The following CABIN1 variants were observed in gnomAD, a reference collection of about 807,000 sequenced individuals.
CABIN1 encodes the protein calcineurin binding protein 1, also known as calcineurin-binding protein cabin-1.
Under a neutral mutation model 227.7 loss-of-function variants are expected in CABIN1, and 133 were observed. The ratio of observed to expected loss-of-function variants is 0.58; its 90% CI spans 0.51 to 0.67. CABIN1 has a LOEUF of 0.67. Among genes scored for constraint, CABIN1 ranks in the 30% least tolerant of loss-of-function variants. The pLI is 0.00. For missense variants in CABIN1, 2,408 were observed against 2,852.5 expected (o/e 0.84, Z 3.55); for synonymous variants, 1,086 against 1,155.1 (o/e 0.94, Z 1.21).
At chr22:24,027,162 T>A (rs2036154067) in intron 1 of CABIN1, among the ~76,000 whole-genome samples, 1 of 152,370 alleles carries the variant, frequency 6.6e-6, no homozygotes, top group African/African-American at 2.4e-5. Context: ...TTTTTCAATT[T>A]TGATTTCTAG....
intron 26 of CABIN1, among the ~76,000 whole-genome samples, chr22:24,103,956 T>C (rs1007310049): frequency 1.3e-5 from 2 of 152,094 alleles, no homozygotes; most frequent in Admixed American, 6.5e-5. Flanking sequence ...TTGGGAAGAA[T>C]TCCTGGAGAA....
At chr22:24,142,466 A>G (rs1046486367) in intron 29 of CABIN1, among the ~76,000 whole-genome samples, 4 of 152,082 alleles carry the variant, frequency 2.6e-5, no homozygotes, top group African/African-American at 9.7e-5. Flanking sequence ...GCCAGGCCCC[A>G]AGGTCTGTGC....
chr22:24,151,798 G>A (rs1462484186), intron 29 of CABIN1, among the ~76,000 whole-genome samples: 1 of 151,992 alleles, frequency 6.6e-6, no homozygotes, highest in South Asian at 2.1e-4. Flanking sequence ...ACTGCCACAC[G>A]CACCCCCTTT....
intron 19 of CABIN1, among the ~76,000 whole-genome samples, chr22:24,082,413 T>A (rs185249023): frequency 6.6e-6 from 1 of 152,350 alleles, no homozygotes; most frequent in Admixed American, 6.5e-5. Flanking sequence ...CTAATGCCTG[T>A]ATTGAAGACT....
At chr22:24,167,442 C>G (rs958792614) in intron 32 of CABIN1, 129 bp downstream of exon 32, 10 of 756,542 alleles carry the variant, frequency 1.3e-5, no homozygotes, top group Non-Finnish European at 2.2e-5. Context: ...CCCACACCAT[C>G]CCTGCTGTTC....
chr22:24,178,254 C>A lies in CABIN1; in HGVS notation c.*58C>A. 2 of 1,603,748 alleles carry A rather than the reference C, an allele frequency of 1.2e-6. No homozygotes were observed. Among genetic ancestry groups the A allele is most frequent in the Admixed American group, 1.7e-5 (1 of 59,532 alleles). On this transcript the variant is annotated 3_prime_UTR_variant, in exon 37 of 37. Transcript: ENST00000263119. Reference sequence around the variant, plus strand: ...GGGACCAGCCAGGCCTGGAATGCCCCCTGGGCAGGACCCTGGGCAGGACCA... The same window carrying A: ...GGGACCAGCCAGGCCTGGAATGCCCACTGGGCAGGACCCTGGGCAGGACCA...
intron 27 of CABIN1, among the ~76,000 whole-genome samples, chr22:24,118,008 T>C (rs1478396013): frequency 6.6e-6 from 1 of 152,042 alleles, no homozygotes; most frequent in Non-Finnish European, 1.5e-5. Flanking sequence ...GAAGACAGTG[T>C]AGTGTGGAAG....
chr22:24,067,301 C>G, intron 16 of CABIN1, 120 bp downstream of exon 16: 3 of 1,016,980 alleles, frequency 2.9e-6, no homozygotes, highest in Non-Finnish European at 4.5e-6. Flanking sequence ...GAGTGGATGT[C>G]AAAACCACTA....
chr22:24,075,851 A>G (rs2040404226), intron 18 of CABIN1, among the ~76,000 whole-genome samples: 3 of 152,032 alleles, frequency 2.0e-5, no homozygotes, highest in Admixed American at 2.0e-4. Flanking sequence ...ATATGCACAG[A>G]TGGATGCTGT....
intron 29 of CABIN1, among the ~76,000 whole-genome samples, chr22:24,147,940 T>A (rs2045252910): frequency 6.6e-6 from 1 of 152,062 alleles, no homozygotes; most frequent in Non-Finnish European, 1.5e-5. Context: ...CCACTCACAT[T>A]CAGGAAAGCC....
intron 6 of CABIN1, among the ~76,000 whole-genome samples, chr22:24,045,076 A>C (rs1382427154): frequency 1.3e-5 from 2 of 151,704 alleles, no homozygotes; most frequent in Admixed American, 6.6e-5. Flanking sequence ...CCCACCACCA[A>C]GCCCGGCTAA....
chr22:24,035,688 T>G (rs2036823129), intron 2 of CABIN1, among the ~76,000 whole-genome samples, 168 bp downstream of exon 2: 1 of 152,074 alleles, frequency 6.6e-6, no homozygotes, highest in Non-Finnish European at 1.5e-5. Context: ...GCTTGCCTGG[T>G]GGTTGAAGCG....
Position 24,037,585 on chromosome 22 carries a change from T to C in CABIN1, c.97-763T>C, listed in dbSNP as rs561522263. Among the ~76,000 whole-genome samples the C allele has an allele frequency of 3.3e-5, 5 of 152,316 alleles. No individual in the cohort carries two copies. The East Asian group carries it at 9.7e-4, about 29-fold the overall frequency. On this transcript the variant is annotated intron_variant, in intron 3 of 36. Transcript: ENST00000263119. ...TGCTGGGATTACAGATGTGAGCCAC[T>C]GTGCCTGGCCTGCAATGGAAACCAT...
intron 14 of CABIN1, 146 bp downstream of exon 14, chr22:24,063,292 C>T (rs944010190): frequency 1.2e-6 from 1 of 811,872 alleles, no homozygotes; most frequent in Non-Finnish European, 2.0e-6. Context: ...CCTGCCCGGG[C>T]ACTGGGCTTG....
Position 24,060,116 on chromosome 22 carries a change from G to A in CABIN1, c.1592G>A (p.Arg531Lys). Residue 531 changes from arginine to lysine, a missense_variant, in exon 12 of 37, where the codon AGG becomes AAG. By Grantham distance (26) the Arg-to-Lys change is conservative. Transcript: ENST00000263119. ...ACCAGCCTGCCCAACCCGCTGCTGA[G>A]GGACTGCAGCAACAAGCACATCAAG... ...HSTSLPNPLL[R>K]DCSNKHIKDM... 6.2e-7 allele frequency: 1 copy of A among 1,613,902 alleles called. No individual in the cohort carries two copies.
chr22:24,163,864 G>A (rs1243299155), intron 29 of CABIN1, among the ~76,000 whole-genome samples: 2 of 152,220 alleles, frequency 1.3e-5, no homozygotes, highest in African/African-American at 2.4e-5. Context: ...AAAGAGGAGT[G>A]GGGTAGGATG....
chr22:24,026,359 C>T (rs116733199), intron 1 of CABIN1, among the ~76,000 whole-genome samples: 1,854 of 152,256 alleles, frequency 0.012, 35 homozygotes, highest in African/African-American at 0.043. Flanking sequence ...CCTTTTCATT[C>T]TTGTAGCAGT....
intron 18 of CABIN1, 71 bp from the exon 19 acceptor site, chr22:24,076,098 A>C: frequency 9.7e-7 from 1 of 1,026,076 alleles, no homozygotes; most frequent in South Asian, 1.3e-5. Flanking sequence ...GAGGAGACTG[A>C]GCCTCGCAGC....
intron 29 of CABIN1, among the ~76,000 whole-genome samples, chr22:24,140,829 C>A (rs751861370): frequency 2.6e-5 from 4 of 152,186 alleles, no homozygotes; most frequent in Non-Finnish European, 5.9e-5. Context: ...TGCCGGCCTA[C>A]TGTGGCCTCC....
Sources: allele counts gnomAD v4.1 joint callset (sites outside exome capture counted in the v4.1 genomes callset), GRCh38; gene constraint gnomAD v4.1.1; transcripts MANE v1.5; gene names NCBI Gene and HGNC (gene_info 2026-07-23, HGNC 2026-07-21).